Variants in GRIK1 observed in about 807,000 individuals in gnomAD.
GRIK1 encodes the protein glutamate receptor ionotropic, kainate 1.
In GRIK1, 69 loss-of-function variants were observed where a neutral mutation model predicts 105.7. That is an observed-to-expected ratio of 0.65 (90% confidence interval 0.54 to 0.80). The LOEUF is 0.80. GRIK1 is among the 30% of genes least tolerant of loss of function. The probability of loss-of-function intolerance (pLI) is 0.00; values close to 1 mark genes in which losing one functional copy is unlikely to be tolerated. For synonymous variants in GRIK1, 438 were observed against 431.3 expected (o/e 1.02, Z -0.19); for missense variants, 1,109 against 1,167.3 (o/e 0.95, Z 0.73).
intron 1 of GRIK1, among the ~76,000 whole-genome samples, chr21:29,744,271 AC>A: frequency 6.6e-6 from 1 of 152,054 alleles, no homozygotes; most frequent in East Asian, 1.9e-4. Flanking sequence ...AACTTAGAAA[AC>A]TTTTTCATCT....
intron 16 of GRIK1, among the ~76,000 whole-genome samples, chr21:29,538,455 GGTTT>G (rs959054547): frequency 6.6e-5 from 10 of 152,034 alleles, no homozygotes; most frequent in African/African-American, 1.9e-4. Context: ...GGGGATATAA[GGTTT>G]CAATTATGCA....
At chr21:29,563,974 C>A (rs1350103647) in intron 14 of GRIK1, among the ~76,000 whole-genome samples, 3 of 152,070 alleles carry the variant, frequency 2.0e-5, no homozygotes, top group African/African-American at 7.2e-5. Context: ...TGCCAAAATG[C>A]TTTTGAGAAT....
intron 1 of GRIK1, chr21:29,760,123 G>C (rs1392710843): frequency 6.6e-6 from 1 of 152,196 alleles, no homozygotes; most frequent in East Asian, 1.9e-4. Context: ...TTTGAATCCG[G>C]TTTTTCTGAC....
intron 1 of GRIK1, among the ~76,000 whole-genome samples, chr21:29,901,732 A>G (rs2070417102): frequency 6.6e-6 from 1 of 152,200 alleles, no homozygotes; most frequent in Admixed American, 6.5e-5. Context: ...AGGAGCTGGT[A>G]CCATTCCTTC....
intron 7 of GRIK1, among the ~76,000 whole-genome samples, chr21:29,630,974 G>GT (rs1325464856): frequency 2.6e-5 from 4 of 151,554 alleles, no homozygotes; most frequent in African/African-American, 4.9e-5. Flanking sequence ...TTTTTTGTTT[G>GT]TTTTTTTATT....
chr21:29,783,876 T>C (rs1227417070), intron 1 of GRIK1, among the ~76,000 whole-genome samples: 3 of 152,228 alleles, frequency 2.0e-5, no homozygotes, highest in Non-Finnish European at 4.4e-5. Context: ...ACGTTTCTTT[T>C]ACTATTACCA....
At chr21:29,813,801 T>C (rs1311856964) in intron 1 of GRIK1, among the ~76,000 whole-genome samples, 2 of 152,014 alleles carry the variant, frequency 1.3e-5, no homozygotes, top group Non-Finnish European at 2.9e-5. Context: ...CAAACCAGAT[T>C]CATAATCATC....
In GRIK1 at chr21:29,936,473, G is replaced by T. The variant is rs377055697; in HGVS notation, c.118+2910C>A. The stretch of plus-strand genomic sequence containing the variant: ...GCTCACAGACCAACTAATTACATAT[G>T]TCAACTAACTGGTTGTTGATATACA... On this transcript the variant is annotated intron_variant, in intron 1 of 17. Coordinates refer to ENST00000327783, the MANE Select transcript of GRIK1 (RefSeq NM_001330994.2). Among the ~76,000 whole-genome samples, 4 of 152,160 alleles carry T rather than the reference G, an allele frequency of 2.6e-5. No individual in the cohort carries two copies. In the East Asian group the frequency reaches 5.8e-4, roughly 22 times the overall value.
chr21:29,794,843 C>T (rs2066513407), intron 1 of GRIK1, among the ~76,000 whole-genome samples: 1 of 151,964 alleles, frequency 6.6e-6, no homozygotes, highest in South Asian at 2.1e-4. Context: ...GTGAAAGAGG[C>T]TTCCTCTTCA....
intron 1 of GRIK1, among the ~76,000 whole-genome samples, chr21:29,935,596 G>A (rs1212450960): frequency 6.6e-6 from 1 of 152,148 alleles, no homozygotes; most frequent in Non-Finnish European, 1.5e-5. Flanking sequence ...GTAATGATTG[G>A]CATAAAATAA....
chr21:29,726,896 TG>T (rs1204597063), intron 1 of GRIK1, among the ~76,000 whole-genome samples: 3 of 151,566 alleles, frequency 2.0e-5, no homozygotes, highest in East Asian at 1.9e-4. Flanking sequence ...TGTATTATTT[TG>T]GGGTCAATTT....
At chr21:29,800,196 A>G (rs2066665066) in intron 1 of GRIK1, among the ~76,000 whole-genome samples, 1 of 152,212 alleles carries the variant, frequency 6.6e-6, no homozygotes, top group Non-Finnish European at 1.5e-5. Context: ...TAAAGCCTAC[A>G]TAGCCCAAAG....
intron 1 of GRIK1, among the ~76,000 whole-genome samples, chr21:29,807,805 T>C (rs1364961202): frequency 6.6e-6 from 1 of 152,094 alleles, no homozygotes; most frequent in Non-Finnish European, 1.5e-5. Flanking sequence ...TTTTCCAAGA[T>C]GAGTTCAGAG....
intron 1 of GRIK1, among the ~76,000 whole-genome samples, chr21:29,766,041 C>T (rs554475481): frequency 1.2e-4 from 18 of 151,952 alleles, no homozygotes; most frequent in East Asian, 9.7e-4. Context: ...TTAGTAGAGA[C>T]GGTTTTACCG....
intron 12 of GRIK1, among the ~76,000 whole-genome samples, chr21:29,583,479 G>A (rs2091066134): frequency 6.6e-6 from 1 of 151,998 alleles, no homozygotes; most frequent in African/African-American, 2.4e-5. Flanking sequence ...GTAAGACTTG[G>A]CAACCACCAG....
rs1003871062 is a variant in GRIK1, at chr21:29,777,745, G to T, written c.119-83682C>A. On this transcript the variant is annotated intron_variant, in intron 1 of 17. Coordinates refer to ENST00000327783, the MANE Select transcript of GRIK1 (RefSeq NM_001330994.2). ...CACGATCTGATCCTCATTTTGGAAC[G>T]TTAATGCAGGTGACTGTCGGACTAG... 5.9e-5 allele frequency among the ~76,000 whole-genome samples: 9 copies of T among 151,934 alleles called. No individual in the cohort carries two copies. The East Asian group carries it at 1.8e-3, about 30-fold the overall frequency.
At chr21:29,602,495 C>T (rs2061537445) in intron 7 of GRIK1, among the ~76,000 whole-genome samples, 1 of 152,048 alleles carries the variant, frequency 6.6e-6, no homozygotes, top group Non-Finnish European at 1.5e-5. Flanking sequence ...CCATAAAGCA[C>T]TTTAGGTTTG....
At chr21:29,897,306 C>T (rs576727883) in intron 1 of GRIK1, among the ~76,000 whole-genome samples, 1 of 152,172 alleles carries the variant, frequency 6.6e-6, no homozygotes, top group South Asian at 2.1e-4. Context: ...TTGATCCTGA[C>T]AGTAAAGCAT....
intron 7 of GRIK1, among the ~76,000 whole-genome samples, chr21:29,628,688 G>T (rs2062188620): frequency 6.6e-6 from 1 of 152,170 alleles, no homozygotes; most frequent in African/African-American, 2.4e-5. Flanking sequence ...ACAAACCTGA[G>T]ACATTCATAT....
Sources: allele counts gnomAD v4.1 joint callset (sites outside exome capture counted in the v4.1 genomes callset), GRCh38; gene constraint gnomAD v4.1.1; transcripts MANE v1.5; gene names NCBI Gene and HGNC (gene_info 2026-07-23, HGNC 2026-07-21).